The following GRK5 variants were observed in gnomAD, a reference collection of about 807,000 sequenced individuals.
GRK5 encodes the protein G protein-coupled receptor kinase 5.
In GRK5, 40 loss-of-function variants were observed where a neutral mutation model predicts 78.4. That is an observed-to-expected ratio of 0.51 (90% CI 0.40 to 0.66). GRK5 has a LOEUF of 0.66. GRK5 is among the 30% of genes least tolerant of loss of function. The probability of loss-of-function intolerance (pLI) is 0.00; values close to 1 mark genes in which losing one functional copy is unlikely to be tolerated. For missense variants in GRK5, 598 were observed against 759.9 expected, an observed-to-expected ratio of 0.79 and a Z score of 2.50; for synonymous variants, 289 against 296.8, an observed-to-expected ratio of 0.97 and a Z score of 0.27.
At chr10:119,400,950 G>A (rs759284291) in intron 4 of GRK5, among the ~76,000 whole-genome samples, 3 of 152,198 alleles carry the variant, frequency 2.0e-5, no homozygotes, top group Non-Finnish European at 2.9e-5. Flanking sequence ...GATGAGGGCC[G>A]TGGGAAGGTC....
At position 119,430,442 on chromosome 10, in the gene GRK5, A is replaced by T; in HGVS notation, c.597+4A>T. ...AGGAAAAGGGGGCTTCGGGGAGGTG[A>T]GTGAACATTCACGTTTTTAATTGAA... On this transcript the variant is annotated splice_donor_region_variant and intron_variant, in intron 7 of 15. Coordinates refer to ENST00000392870, the MANE Select transcript of GRK5 (RefSeq NM_005308.3). The surrounding 1 kb of genome is among the most constrained non-coding windows in gnomAD (Gnocchi z 4.5). The T allele has an allele frequency of 6.2e-7, 1 of 1,610,176 alleles. No homozygotes were observed. Among genetic ancestry groups the T allele is most frequent in the Non-Finnish European group, 8.5e-7 (1 of 1,178,178 alleles).
chr10:119,332,156 G>A (rs11198883), intron 2 of GRK5, among the ~76,000 whole-genome samples: 10,554 of 149,168 alleles, frequency 0.071, 962 homozygotes, highest in African/African-American at 0.22. Flanking sequence ...GCTCAGGCTA[G>A]AGTGCAGTGG....
chr10:119,410,163 C>T (rs185655358), intron 4 of GRK5, among the ~76,000 whole-genome samples: 6 of 152,362 alleles, frequency 3.9e-5, no homozygotes, highest in Non-Finnish European at 8.8e-5. Context: ...ACTCCACGTC[C>T]GGGCACATTG....
chr10:119,245,956 C>G (rs2133746792), intron 1 of GRK5, among the ~76,000 whole-genome samples: 1 of 145,142 alleles, frequency 6.9e-6, no homozygotes, highest in East Asian at 2.0e-4. Context: ...GGAGGCAGAG[C>G]CTGCAGTGAG....
At chr10:119,304,349 G>T (rs1850237228) in intron 1 of GRK5, among the ~76,000 whole-genome samples, 1 of 143,336 alleles carries the variant, frequency 7.0e-6, no homozygotes, top group Non-Finnish European at 1.5e-5. Flanking sequence ...GAGTGCAGTG[G>T]CATGATCTCA....
At chr10:119,244,874 G>T (rs912494735) in intron 1 of GRK5, among the ~76,000 whole-genome samples, 8 of 152,330 alleles carry the variant, frequency 5.3e-5, no homozygotes, top group Admixed American at 5.2e-4. Context: ...TGTTGGTGGG[G>T]ATATAAAATA....
chr10:119,274,756 AT>A (rs1229211268), intron 1 of GRK5, among the ~76,000 whole-genome samples: 2 of 152,080 alleles, frequency 1.3e-5, no homozygotes, highest in Admixed American at 6.6e-5. Context: ...GGGCTTTCAC[AT>A]CCTTTAAGAG....
At chr10:119,349,206 AG>A (rs1478839941) in intron 2 of GRK5, among the ~76,000 whole-genome samples, 3 of 152,170 alleles carry the variant, frequency 2.0e-5, no homozygotes, top group Non-Finnish European at 2.9e-5. Context: ...GGAGGGAGGC[AG>A]GGAGGGGCTG....
At chr10:119,368,630 T>C (rs1013878930) in intron 2 of GRK5, among the ~76,000 whole-genome samples, 6 of 152,202 alleles carry the variant, frequency 3.9e-5, no homozygotes, top group Non-Finnish European at 7.3e-5. Flanking sequence ...GGGTCAGACG[T>C]GGAGCTGGAC....
At chr10:119,279,003 G>A (rs1259780680) in intron 1 of GRK5, among the ~76,000 whole-genome samples, 1 of 152,126 alleles carries the variant, frequency 6.6e-6, no homozygotes, top group Non-Finnish European at 1.5e-5. Flanking sequence ...TCTGTCTCCC[G>A]AGTAGCTGGG....
chr10:119,251,016 G>A (rs1226738575), intron 1 of GRK5, among the ~76,000 whole-genome samples: 1 of 152,090 alleles, frequency 6.6e-6, no homozygotes, highest in Non-Finnish European at 1.5e-5. Flanking sequence ...TTCACCCAGA[G>A]ACTCCTGACC....
At chr10:119,354,381 G>A (rs965543594) in intron 2 of GRK5, among the ~76,000 whole-genome samples, 4 of 143,224 alleles carry the variant, frequency 2.8e-5, no homozygotes, top group African/African-American at 1.0e-4. Context: ...CTGCAACTTT[G>A]TGCCCTACAT....
intron 1 of GRK5, among the ~76,000 whole-genome samples, chr10:119,276,239 A>G (rs7912832): frequency 1 from 151,886 of 152,150 alleles, 75,812 homozygotes; most frequent in Non-Finnish European, 1. Context: ...TTAGCATTAG[A>G]TATATCTCCT....
chr10:119,315,345 G>A (rs1462728381), intron 1 of GRK5, among the ~76,000 whole-genome samples: 3 of 152,192 alleles, frequency 2.0e-5, no homozygotes, highest in Non-Finnish European at 4.4e-5. Flanking sequence ...CGCCTTGTTC[G>A]GGCCTGGATG....
At chr10:119,284,167 G>A (rs968168225) in intron 1 of GRK5, among the ~76,000 whole-genome samples, 12 of 152,252 alleles carry the variant, frequency 7.9e-5, no homozygotes, top group African/African-American at 2.9e-4. Flanking sequence ...CTGTCCAGTG[G>A]AAATAAACGT....
intron 1 of GRK5, among the ~76,000 whole-genome samples, chr10:119,247,116 C>T (rs1441793094): frequency 2.6e-5 from 4 of 152,152 alleles, no homozygotes; most frequent in Non-Finnish European, 5.9e-5. Flanking sequence ...AGTGACTGTC[C>T]GTCCTAGGGC....
chr10:119,261,029 A>G (rs61500242), intron 1 of GRK5, among the ~76,000 whole-genome samples: 759 of 8,474 alleles, frequency 0.09, no homozygotes, highest in South Asian at 0.16. Context: ...CTGGCCGGGC[A>G]GGGGGCTGAC....
chr10:119,416,640 G>A (rs897686121), intron 4 of GRK5, among the ~76,000 whole-genome samples: 2 of 151,712 alleles, frequency 1.3e-5, no homozygotes, highest in South Asian at 4.2e-4. Flanking sequence ...GCCCAGGTTG[G>A]AGTGCAGTGG....
intron 1 of GRK5, among the ~76,000 whole-genome samples, chr10:119,208,862 T>C (rs991260073): frequency 6.6e-6 from 1 of 152,032 alleles, no homozygotes; most frequent in Non-Finnish European, 1.5e-5. Flanking sequence ...GTTGTGTCCA[T>C]GTAAACATAT....
Sources: gnomAD v4.1 joint callset for allele counts (sites outside exome capture counted in the v4.1 genomes callset) on GRCh38, gnomAD v4.1.1 for gene constraint, Gnocchi (gnomAD v3.1) non-coding constraint, MANE v1.5 for transcripts, NCBI Gene and HGNC (gene_info 2026-07-23, HGNC 2026-07-21) for gene names.